The following USP25 variants were observed in gnomAD, a reference collection of about 807,000 sequenced individuals.
USP25 encodes the protein ubiquitin specific peptidase 25.
A neutral mutation model predicts 158.5 loss-of-function variants in USP25; 85 were observed. The observed-to-expected ratio is 0.54, with a 90% CI of 0.45 to 0.64. The LOEUF (loss-of-function observed/expected upper bound fraction) is 0.64. Ranked by LOEUF, USP25 falls within the 30% of genes least tolerant of loss-of-function variation. USP25 has a pLI of 0.00. For missense variants in USP25, 1,242 were observed against 1,327.3 expected (o/e 0.94, Z 1.00); for synonymous variants, 464 against 460.4 (o/e 1.01, Z -0.10).
intron 1 of USP25, among the ~76,000 whole-genome samples, chr21:15,738,435 C>A (rs928807446): frequency 6.6e-6 from 1 of 152,082 alleles, no homozygotes; most frequent in Non-Finnish European, 1.5e-5. Context: ...TTTATTAGGT[C>A]GTGTTTAATA....
At chr21:15,743,100 G>C (rs540467671) in intron 1 of USP25, among the ~76,000 whole-genome samples, 1 of 152,232 alleles carries the variant, frequency 6.6e-6, no homozygotes, top group Non-Finnish European at 1.5e-5. Flanking sequence ...CCCTGAATGG[G>C]GGTGTGTTAG....
chr21:15,854,846 A>C (rs2039059666), intron 20 of USP25, among the ~76,000 whole-genome samples: 1 of 152,192 alleles, frequency 6.6e-6, no homozygotes, highest in Non-Finnish European at 1.5e-5. Context: ...TGGAAAAAAA[A>C]ATGCAATGGG....
chr21:15,770,119 C>G (rs912089480), intron 3 of USP25, among the ~76,000 whole-genome samples: 1 of 152,054 alleles, frequency 6.6e-6, no homozygotes, highest in African/African-American at 2.4e-5. Context: ...AGATCCAATT[C>G]TAGTGCTTTT....
At chr21:15,765,211 A>T (rs928456386) in intron 2 of USP25, among the ~76,000 whole-genome samples, 1 of 151,960 alleles carries the variant, frequency 6.6e-6, no homozygotes, top group South Asian at 2.1e-4. Flanking sequence ...TGGGTTTCCT[A>T]TGTTGTTTTG....
At chr21:15,861,466 A>G (rs1054494655) in intron 20 of USP25, among the ~76,000 whole-genome samples, 4 of 152,212 alleles carry the variant, frequency 2.6e-5, no homozygotes, top group Non-Finnish European at 4.4e-5. Context: ...AATAATTAGC[A>G]TAGACCGCCA....
At chr21:15,844,594 T>A (rs989355392) in intron 18 of USP25, among the ~76,000 whole-genome samples, 2 of 152,102 alleles carry the variant, frequency 1.3e-5, no homozygotes, top group African/African-American at 2.4e-5. Flanking sequence ...AAGCGTAGAA[T>A]CATGGAAATT....
intron 4 of USP25, among the ~76,000 whole-genome samples, chr21:15,782,953 TGA>T (rs2035049370): frequency 1.3e-5 from 2 of 152,012 alleles, no homozygotes; most frequent in Admixed American, 1.3e-4. Context: ...TTCAAAATAA[TGA>T]CATTAAAGAA....
At position 15,875,551 on chromosome 21, in the gene USP25, A is replaced by G. The variant is rs1479446718; in HGVS notation, c.3009+1025A>G. ...AGGAGACATAATTGTTTGTTCTGGA[A>G]TAAGTGCCATTATGAGAAATATGCA... On this transcript the variant is annotated intron_variant, in intron 24 of 25. Coordinates refer to ENST00000400183, the MANE Select transcript of USP25 (RefSeq NM_001283041.3). This position sits in a 1 kb window ranked among gnomAD's most constrained non-coding sequence, Gnocchi z 4.7. Among the ~76,000 whole-genome samples the G allele has an allele frequency of 1.3e-5, 2 of 152,240 alleles. No homozygotes were observed. Among genetic ancestry groups the G allele is most frequent in the Non-Finnish European group, 2.9e-5 (2 of 68,030 alleles).
In USP25 at chr21:15,826,495, C is replaced by A; in HGVS notation, c.1466+130C>A. On this transcript the variant is annotated intron_variant, in intron 13 of 25. Coordinates refer to ENST00000400183, the MANE Select transcript of USP25 (RefSeq NM_001283041.3). The surrounding 1 kb of genome is among the most constrained non-coding windows in gnomAD (Gnocchi z 4.8). ...TTCAGTGAACTCCTAAGAGTAGATT[C>A]ACTTAGAAGACTGTATGTCCTCTGG... The A allele has an allele frequency of 9.5e-7, 1 of 1,051,998 alleles. No individual in the cohort carries two copies. The allele number at this position is 1,051,998 out of a possible 1,614,324, so 65.2% of individuals were successfully genotyped here.
chr21:15,771,444 G>A (rs193101279), intron 3 of USP25, among the ~76,000 whole-genome samples: 1 of 152,280 alleles, frequency 6.6e-6, no homozygotes, highest in East Asian at 1.9e-4. Flanking sequence ...TGAGCGAAGT[G>A]TGAGCATGAA....
chr21:15,776,117 ATGAAT>A (rs2034642282), intron 3 of USP25, among the ~76,000 whole-genome samples: 1 of 152,096 alleles, frequency 6.6e-6, no homozygotes, highest in African/African-American at 2.4e-5. Context: ...ATCAGTGTTT[ATGAAT>A]GTTCAGTTCT....
At position 15,775,267 on chromosome 21, in the gene USP25, G is replaced by T. The variant is rs1409464527; in HGVS notation, c.269-2637G>T. On this transcript the variant is annotated intron_variant, in intron 3 of 25. Transcript: ENST00000400183. Reference sequence around the variant, plus strand: ...TGTTGCTATTTTTAAATTAGTTTCGGCTATAGCCCATTTGTTTTACTTGTC... The same window carrying T: ...TGTTGCTATTTTTAAATTAGTTTCGTCTATAGCCCATTTGTTTTACTTGTC... Among the ~76,000 whole-genome samples, 2 of 152,106 alleles carry T rather than the reference G, an allele frequency of 1.3e-5. 1 individual carries two copies. The highest frequency in any genetic ancestry group is 1.3e-4 in the Admixed American group (2 of 15,280).
intron 1 of USP25, among the ~76,000 whole-genome samples, chr21:15,744,701 G>C (rs1218056276): frequency 6.6e-6 from 1 of 151,986 alleles, no homozygotes; most frequent in Non-Finnish European, 1.5e-5. Flanking sequence ...CGATTCTCCT[G>C]CCCCAACCTC....
chr21:15,796,461 G>T (rs1167985587), intron 5 of USP25, among the ~76,000 whole-genome samples: 2 of 151,356 alleles, frequency 1.3e-5, no homozygotes, highest in Non-Finnish European at 3.0e-5. Context: ...ATTTTTGATG[G>T]ATTTTGTCCT....
In USP25 at chr21:15,842,444, T is replaced by A; in HGVS notation, c.2241T>A (p.Ser747Arg). Residue 747 changes from serine (S) to arginine (R), a missense_variant, in exon 18 of 26, where the codon AGT becomes AGA. By Grantham distance (110) the Ser-to-Arg change is moderately radical (BLOSUM62 -1). Coordinates refer to ENST00000400183, the MANE Select transcript of USP25 (RefSeq NM_001283041.3). Reference sequence around the variant, plus strand: ...AATATCTAGAGCAGCCATCAAGAAGTGATTTCTCAAAGCACTTGAAAGAAG... The same window carrying A: ...AATATCTAGAGCAGCCATCAAGAAGAGATTTCTCAAAGCACTTGAAAGAAG... ...DPEYLEQPSR[S>R]DFSKHLKEET... The A allele has an allele frequency of 6.2e-7, 1 of 1,613,706 alleles. No individual in the cohort carries two copies. The highest frequency in any genetic ancestry group is 8.5e-7 in the Non-Finnish European group (1 of 1,179,762).
intron 1 of USP25, among the ~76,000 whole-genome samples, chr21:15,760,377 G>T (rs2033655030): frequency 6.6e-6 from 1 of 152,216 alleles, no homozygotes; most frequent in African/African-American, 2.4e-5. Context: ...CCACTTTAAA[G>T]ACTTGATGTT....
At chr21:15,807,017 G>A (rs1035484267) in intron 7 of USP25, among the ~76,000 whole-genome samples, 1 of 151,986 alleles carries the variant, frequency 6.6e-6, no homozygotes, top group Middle Eastern at 3.4e-3. Context: ...TCAGCCTCCT[G>A]GGCTCAACCC....
At position 15,816,035 on chromosome 21, in the gene USP25, G is replaced by GGA. The variant is rs2036920878; in HGVS notation, c.932-2663_932-2662insGA. Reference sequence around the variant, plus strand: ...GAGGGGCTAGGGCTGGAATGATGTGGTTCAGCTGTGTCCTGATGTAAATCT... The same window carrying GGA: ...GAGGGGCTAGGGCTGGAATGATGTGGGATTCAGCTGTGTCCTGATGTAAATCT... On this transcript the variant is annotated intron_variant, in intron 9 of 25. Transcript: ENST00000400183. The surrounding 1 kb of genome is among the most constrained non-coding windows in gnomAD (Gnocchi z 4.0). Among the ~76,000 whole-genome samples, 3 of 152,134 alleles carry GGA rather than the reference G, an allele frequency of 2.0e-5. No homozygotes were observed. Among genetic ancestry groups the GGA allele is most frequent in the South Asian group, 4.1e-4 (2 of 4,822 alleles).
chr21:15,878,717 A>G lies in USP25; in HGVS notation c.*242A>G, dbSNP rs766644756. The G allele has an allele frequency of 3.8e-5, 15 of 395,584 alleles. No homozygotes were observed. The highest frequency in any genetic ancestry group is 5.3e-5 in the Non-Finnish European group (12 of 224,340). 24.5% of individuals were successfully genotyped at this position (395,584 alleles called of 1,614,324 possible). ...AATCACAAATCTAATTGATTTTATT[A>G]TGGCAAAACTATGCTTTTGCCACCT... On this transcript the variant is annotated 3_prime_UTR_variant, in exon 26 of 26. Transcript: ENST00000400183.
Sources: allele counts gnomAD v4.1 joint callset (sites outside exome capture counted in the v4.1 genomes callset), GRCh38; gene constraint gnomAD v4.1.1; non-coding constraint Gnocchi (gnomAD v3.1); transcripts MANE v1.5; gene names NCBI Gene and HGNC (gene_info 2026-07-23, HGNC 2026-07-21).